The following CDH23 variants were observed in gnomAD, a reference collection of about 807,000 sequenced individuals.
CDH23 encodes cadherin-23.
A neutral mutation model predicts 317.1 loss-of-function variants in CDH23; 189 were observed. That is an observed-to-expected ratio of 0.60 (90% CI 0.53 to 0.67). CDH23 has a LOEUF of 0.67. Among genes scored for constraint, CDH23 ranks in the 30% least tolerant of loss-of-function variants. CDH23 has a pLI of 0.00. For missense variants in CDH23, 4,401 were observed against 4,592.4 expected (o/e 0.96, Z 1.20); for synonymous variants, 1,839 against 1,876.8 (o/e 0.98, Z 0.52).
intron 22 of CDH23, among the ~76,000 whole-genome samples, chr10:71,697,190 G>A (rs1776207993): frequency 1.3e-5 from 2 of 152,238 alleles, no homozygotes; most frequent in Non-Finnish European, 2.9e-5. Flanking sequence ...GCATCTGCAA[G>A]CTTTGGTCCC....
rs192614991 is a variant in CDH23, at chr10:71,524,228, G to A, written c.429+13016G>A. On this transcript the variant is annotated intron_variant, in intron 6 of 69. Transcript: ENST00000224721. ...GGGCAGGGACATGTGGCTTTCCACC[G>A]TGGACGGACCCTCAGGGCCTGGCGC... Among the ~76,000 whole-genome samples the A allele has an allele frequency of 1.7e-3, 258 of 152,350 alleles. 1 individual carries two copies. Among genetic ancestry groups the A allele is most frequent in the African/African-American group, 5.8e-3 (241 of 41,576 alleles).
chr10:71,723,449 A>G (rs1258865298), intron 28 of CDH23, among the ~76,000 whole-genome samples: 2 of 152,154 alleles, frequency 1.3e-5, no homozygotes, highest in East Asian at 3.8e-4. Flanking sequence ...ACATAAACAC[A>G]TAAGCCTGAG....
rs1197361662 is a variant in CDH23 at position 71,811,986 on chromosome 10, G to A, written c.9351G>A (p.Met3117Ile). ...GNRGFIDIMD[M>I]PNTNKYSFDG... ...GTGGCTTCATCGACATCATGGACAT[G>A]CCTAACACCAACAAGTACTCCTTTG... Residue 3117 changes from methionine (M) to isoleucine (I), a missense_variant, in exon 66 of 70, where the codon ATG (methionine) becomes ATA (isoleucine). Physicochemically the swap from Met to Ile is conservative, Grantham distance 10. Coordinates refer to ENST00000224721, the MANE Select transcript of CDH23 (RefSeq NM_022124.6). 1.2e-6 allele frequency: 2 copies of A among 1,611,834 alleles called. No individual in the cohort carries two copies. The highest frequency in any genetic ancestry group is 2.7e-5 in the African/African-American group (2 of 74,254).
intron 25 of CDH23, 46 bp from the exon 26 acceptor site, chr10:71,706,851 T>C (rs1459491339): frequency 6.5e-7 from 1 of 1,548,150 alleles, no homozygotes; most frequent in East Asian, 2.4e-5. Context: ...CTGGGTCTTC[T>C]GCGGCAGAAG....
intron 14 of CDH23, among the ~76,000 whole-genome samples, chr10:71,656,938 C>G (rs1299336540): frequency 6.6e-6 from 1 of 152,102 alleles, no homozygotes; most frequent in Non-Finnish European, 1.5e-5. Flanking sequence ...TGGAGGGGAC[C>G]AGGGTGGAAG....
rs144684253 is a variant in CDH23, at chr10:71,645,358, G to T, written c.1141-473G>T. Among the ~76,000 whole-genome samples the T allele has an allele frequency of 1.2e-3, 180 of 152,324 alleles. 5 individuals are homozygous for T. In the East Asian group the frequency reaches 0.032, roughly 27 times the overall value. On this transcript the variant is annotated intron_variant, in intron 12 of 69. Transcript: ENST00000224721. ...CCCTGCTGGACACGTTCCAGAGGAG[G>T]AGGGGAAGAACAGCATCTGCATCCC...
At chr10:71,589,128 A>ATT (rs11374966) in intron 9 of CDH23, among the ~76,000 whole-genome samples, 34 of 149,436 alleles carry the variant, frequency 2.3e-4, no homozygotes, top group African/African-American at 3.7e-4. Flanking sequence ...GTTTAAAGTA[A>ATT]TTTTTTTTTT....
chr10:71,799,640 A>T lies in CDH23; in HGVS notation c.7362+11A>T. 6.2e-7 allele frequency: 1 copy of T among 1,614,020 alleles called. No individual in the cohort carries two copies. The highest frequency in any genetic ancestry group is 8.5e-7 in the Non-Finnish European group (1 of 1,179,882). ...ATCAACCCCACCACGGTGAGCAGTG[A>T]TGGAGGGCCTGGAATTTGGAAGTGG... On this transcript the variant is annotated intron_variant, in intron 52 of 69. Coordinates refer to ENST00000224721, the MANE Select transcript of CDH23 (RefSeq NM_022124.6).
intron 6 of CDH23, among the ~76,000 whole-genome samples, chr10:71,514,986 C>G (rs1281481553): frequency 6.6e-6 from 1 of 152,246 alleles, no homozygotes; most frequent in Non-Finnish European, 1.5e-5. Context: ...GCGTGCCCGC[C>G]TCGCTGACCT....
At chr10:71,591,306 A>C (rs568979112) in intron 9 of CDH23, among the ~76,000 whole-genome samples, 7 of 152,324 alleles carry the variant, frequency 4.6e-5, no homozygotes, top group Admixed American at 1.3e-4. Flanking sequence ...ACATTGAATC[A>C]CACAAAGAGA....
intron 3 of CDH23, among the ~76,000 whole-genome samples, chr10:71,495,197 G>A (rs1310613804): frequency 1.3e-5 from 2 of 152,180 alleles, no homozygotes; most frequent in African/African-American, 2.4e-5. Flanking sequence ...AAATTAGTGC[G>A]ATATCATTCT....
chr10:71,651,506 C>T (rs111727719), intron 14 of CDH23, among the ~76,000 whole-genome samples: 13 of 149,862 alleles, frequency 8.7e-5, no homozygotes, highest in Admixed American at 5.4e-4. Flanking sequence ...TCCAGTGAGC[C>T]GTGAGCCACT....
At chr10:71,708,088 C>T (rs1339937195) in intron 26 of CDH23, among the ~76,000 whole-genome samples, 2 of 152,188 alleles carry the variant, frequency 1.3e-5, no homozygotes, top group East Asian at 3.9e-4. Context: ...GGCTCCACTG[C>T]CCACACTATT....
chr10:71,639,403 C>A (rs1488640153), intron 11 of CDH23, among the ~76,000 whole-genome samples: 1 of 152,232 alleles, frequency 6.6e-6, no homozygotes, highest in Non-Finnish European at 1.5e-5. Flanking sequence ...TGGGTGTGCC[C>A]TCCACCAGTC....
intron 8 of CDH23, among the ~76,000 whole-genome samples, chr10:71,574,840 A>G (rs1217931702): frequency 6.6e-6 from 1 of 152,040 alleles, no homozygotes. Flanking sequence ...TCATCTTGGC[A>G]CACGCACTGG....
chr10:71,708,114 C>T (rs949457217), intron 26 of CDH23, among the ~76,000 whole-genome samples: 13 of 152,168 alleles, frequency 8.5e-5, no homozygotes, highest in African/African-American at 3.1e-4. Flanking sequence ...CCTAGTTCTG[C>T]CCTGGGCTCC....
intron 3 of CDH23, among the ~76,000 whole-genome samples, chr10:71,507,538 G>C (rs57768508): frequency 0.049 from 7,459 of 152,048 alleles, 638 homozygotes; most frequent in African/African-American, 0.17. Flanking sequence ...CTAAAACTAC[G>C]AAAAATTAGC....
intron 3 of CDH23, among the ~76,000 whole-genome samples, chr10:71,501,975 G>A (rs1290498314): frequency 6.6e-6 from 1 of 152,218 alleles, no homozygotes; most frequent in Non-Finnish European, 1.5e-5. Flanking sequence ...TTTGAGGCTG[G>A]GGCCCTGCTG....
chr10:71,645,898 C>T lies in CDH23; in HGVS notation c.1208C>T (p.Thr403Ile), dbSNP rs1302749785. 2 of 1,613,628 alleles carry T rather than the reference C, an allele frequency of 1.2e-6. No individual in the cohort carries two copies. Among genetic ancestry groups the T allele is most frequent in the African/African-American group, 1.3e-5 (1 of 75,066 alleles). Residue 403 changes from threonine to isoleucine, a missense_variant, in exon 13 of 70, where the codon ACC becomes ATC. Thr to Ile is a moderately conservative substitution (Grantham distance 89, BLOSUM62 -1). This residue lies in a region of CDH23 where 3,068 missense variants were observed against 3,203.3 expected (regional missense o/e 0.96). Transcript: ENST00000224721. ...TCCCACCACTTCATCATCTCCCCGACCTCCGTCCAGGGGAAGGCGGACATT... is the reference window on the plus strand; with the variant it reads ...TCCCACCACTTCATCATCTCCCCGATCTCCGTCCAGGGGAAGGCGGACATT... Reference protein sequence around the residue: ...NNSHHFIISPTSVQGKADIRI... With the variant: ...NNSHHFIISPISVQGKADIRI...
Sources: gnomAD v4.1 joint callset for allele counts (sites outside exome capture counted in the v4.1 genomes callset) on GRCh38, gnomAD v4.1.1 for gene constraint, gnomAD v4.1.1 regional missense constraint, MANE v1.5 for transcripts, NCBI Gene and HGNC (gene_info 2026-07-23, HGNC 2026-07-21) for gene names.